Variants in PGM5 observed in about 807,000 individuals in gnomAD.
The protein encoded by PGM5 is phosphoglucomutase-like protein 5.
A neutral mutation model predicts 59.2 loss-of-function variants in PGM5; 23 were observed. The observed-to-expected ratio is 0.39, with a 90% CI of 0.28 to 0.55. PGM5 has a LOEUF of 0.55. PGM5 is among the 20% of genes least tolerant of loss of function. The pLI, the probability that PGM5 is intolerant of heterozygous loss-of-function variation, is 0.66. For missense variants in PGM5, 574 were observed against 748.3 expected, an observed-to-expected ratio of 0.77 and a Z score of 2.72; for synonymous variants, 214 against 286.0, an observed-to-expected ratio of 0.75 and a Z score of 2.54.
intron 7 of PGM5, among the ~76,000 whole-genome samples, chr9:68,467,529 A>G (rs1166426172): frequency 3.9e-5 from 6 of 152,222 alleles, no homozygotes; most frequent in Non-Finnish European, 8.8e-5. Context: ...AGAGAAGTAC[A>G]CAAGTGGAAC....
chr9:68,375,888 C>A (rs1422663607), intron 1 of PGM5, among the ~76,000 whole-genome samples: 1 of 152,010 alleles, frequency 6.6e-6, no homozygotes, highest in African/African-American at 2.4e-5. Flanking sequence ...AATATCTGGG[C>A]AAGTATTCTA....
intron 1 of PGM5, among the ~76,000 whole-genome samples, chr9:68,362,931 C>A (rs1190883933): frequency 7.2e-6 from 1 of 138,024 alleles, no homozygotes; most frequent in Middle Eastern, 4.8e-3. Flanking sequence ...TGCAGTGGCA[C>A]AATCTTGGCT....
chr9:68,384,893 C>T (rs1452561058), intron 3 of PGM5, among the ~76,000 whole-genome samples: 1 of 150,432 alleles, frequency 6.6e-6, no homozygotes, highest in Non-Finnish European at 1.5e-5. Context: ...AGAAACCTAA[C>T]AAGTCAATGG....
At chr9:68,419,245 T>A (rs1158863676) in intron 6 of PGM5, among the ~76,000 whole-genome samples, 1 of 152,210 alleles carries the variant, frequency 6.6e-6, no homozygotes, top group Non-Finnish European at 1.5e-5. Flanking sequence ...GAAGATAATA[T>A]GTTTTAACTT....
At chr9:68,420,990 T>G (rs1823119246) in intron 6 of PGM5, among the ~76,000 whole-genome samples, 1 of 152,226 alleles carries the variant, frequency 6.6e-6, no homozygotes, top group South Asian at 2.1e-4. Context: ...ATGTATGCTT[T>G]GTCCATGGAT....
rs139348309 is a variant in PGM5 at position 68,384,408 on chromosome 9, C to T, written c.435C>T (p.Pro145=). ...GTGTTCACATTTTAGGTCCTGCACCCGATGTTGTCTCAGACAAAATCTACC... is the reference window on the plus strand; with the variant it reads ...GTGTTCACATTTTAGGTCCTGCACCTGATGTTGTCTCAGACAAAATCTACC... ...KFNVANGGPA[P]DVVSDKIYQI... The change falls in exon 3 of 11, where the codon CCC becomes CCT. Residue 145 remains proline (P), a synonymous_variant. Transcript: ENST00000396396. The T allele has an allele frequency of 7.2e-5, 116 of 1,604,210 alleles. No individual in the cohort carries two copies. The African/African-American group carries it at 9.8e-4, about 14-fold the overall frequency.
chr9:68,376,913 TTTC>T (rs1554677825), intron 1 of PGM5, among the ~76,000 whole-genome samples: 2 of 150,890 alleles, frequency 1.3e-5, no homozygotes, highest in Non-Finnish European at 3.0e-5. Context: ...TCTTTCTTTC[TTTC>T]TTTTTCTTTC....
intron 6 of PGM5, among the ~76,000 whole-genome samples, chr9:68,460,428 A>G (rs1200049968): frequency 6.6e-6 from 1 of 152,186 alleles, no homozygotes; most frequent in Non-Finnish European, 1.5e-5. Context: ...TAGGGTGACC[A>G]TCAGACTGGT....
At chr9:68,407,421 C>A (rs1209684066) in intron 6 of PGM5, among the ~76,000 whole-genome samples, 1 of 152,196 alleles carries the variant, frequency 6.6e-6, no homozygotes, top group Non-Finnish European at 1.5e-5. Context: ...GCGTGAGCCA[C>A]CATGCCCAGC....
intron 6 of PGM5, among the ~76,000 whole-genome samples, chr9:68,443,688 C>T (rs377615736): frequency 9.2e-5 from 14 of 152,182 alleles, no homozygotes; most frequent in Admixed American, 4.6e-4. Flanking sequence ...AGAAGATAGA[C>T]GGTCATTTCA....
chr9:68,471,026 A>G (rs1824011859), intron 7 of PGM5, among the ~76,000 whole-genome samples: 1 of 152,244 alleles, frequency 6.6e-6, no homozygotes, highest in Non-Finnish European at 1.5e-5. Context: ...GAATGTCTCC[A>G]TCACTAAGAT....
At chr9:68,448,954 A>G (rs1823655323) in intron 6 of PGM5, among the ~76,000 whole-genome samples, 1 of 152,208 alleles carries the variant, frequency 6.6e-6, no homozygotes, top group South Asian at 2.1e-4. Flanking sequence ...ATTACCATAG[A>G]CTGAGTGGCT....
chr9:68,390,606 A>C (rs1822339543), intron 4 of PGM5, among the ~76,000 whole-genome samples: 1 of 152,150 alleles, frequency 6.6e-6, no homozygotes, highest in South Asian at 2.1e-4. Flanking sequence ...GGTGGAAAAT[A>C]AGTGGAAAGC....
intron 7 of PGM5, among the ~76,000 whole-genome samples, chr9:68,475,215 A>G (rs1192017413): frequency 4.1e-5 from 2 of 48,920 alleles, no homozygotes; most frequent in Admixed American, 4.6e-4. Flanking sequence ...TTGTATTTTT[A>G]GTAGAGACGA....
chr9:68,360,105 A>G (rs1554676175), intron 1 of PGM5, among the ~76,000 whole-genome samples: 1 of 151,984 alleles, frequency 6.6e-6, no homozygotes, highest in African/African-American at 2.4e-5. Flanking sequence ...TTGGCCTCCT[A>G]AAGTGTCATG....
At chr9:68,376,815 T>TTCTTTCTTTCTTTCTTTC (rs1563984754) in intron 1 of PGM5, among the ~76,000 whole-genome samples, 4 of 103,128 alleles carry the variant, frequency 3.9e-5, no homozygotes, top group Non-Finnish European at 2.0e-5. Flanking sequence ...CTTTCTTTCT[T>TTCTTTCTTTCTTTCTTTC]TCTTTCTTTC....
At chr9:68,465,976 T>C (rs919242620) in intron 7 of PGM5, among the ~76,000 whole-genome samples, 2 of 152,224 alleles carry the variant, frequency 1.3e-5, no homozygotes, top group Non-Finnish European at 1.5e-5. Flanking sequence ...CTGTTGTTTG[T>C]TGTTGTTCAT....
chr9:68,482,986 A>G (rs1406284164), intron 8 of PGM5, among the ~76,000 whole-genome samples: 2 of 152,164 alleles, frequency 1.3e-5, no homozygotes, highest in African/African-American at 4.8e-5. Flanking sequence ...TTTGAATGGA[A>G]CAATTGTGAT....
In PGM5 at chr9:68,477,147, C is replaced by G. The variant is rs79520470; in HGVS notation, c.1160-2271C>G. On this transcript the variant is annotated intron_variant, in intron 7 of 10. Transcript: ENST00000396396. ...AGAATTCACTGGATAAGACTAAAGA[C>G]ACTTCATGGTGTGATGATTAATGCC... is the stretch of plus-strand genomic sequence containing the variant. 4.5e-4 allele frequency among the ~76,000 whole-genome samples: 68 copies of G among 152,280 alleles called. No homozygotes were observed. In the East Asian group the frequency reaches 0.013, roughly 29 times the overall value.
Sources: allele counts gnomAD v4.1 joint callset (sites outside exome capture counted in the v4.1 genomes callset), GRCh38; gene constraint gnomAD v4.1.1; transcripts MANE v1.5; gene names NCBI Gene and HGNC (gene_info 2026-07-23, HGNC 2026-07-21).